RYR1: variants seen among roughly 807,000 people sequenced by gnomAD.
RYR1 encodes the protein ryanodine receptor 1, also known as central core disease of muscle.
A neutral mutation model predicts 583.5 loss-of-function variants in RYR1; 342 were observed. The ratio of observed to expected loss-of-function variants is 0.59; its 90% CI spans 0.54 to 0.64. The LOEUF is 0.64. Ranked by LOEUF, RYR1 falls within the 30% of genes least tolerant of loss-of-function variation. RYR1 has a pLI of 0.00. For missense variants in RYR1, 6,032 were observed against 6,917.2 expected (o/e 0.87, Z 4.54); for synonymous variants, 2,791 against 2,822.5 (o/e 0.99, Z 0.35).
At chr19:38,489,121 G>A in intron 34 of RYR1, 56 bp from the exon 35 acceptor site, 1 of 1,501,244 alleles carries the variant, frequency 6.7e-7, no homozygotes, top group Non-Finnish European at 9.3e-7. Context: ...TGAGGCCAGG[G>A]CCTGATGATG....
At position 38,564,772 on chromosome 19, in the gene RYR1, T is replaced by C. The variant is rs146260773; in HGVS notation, c.12625-187T>C. 8.8e-3 allele frequency among the ~76,000 whole-genome samples: 1,346 copies of C among 152,260 alleles called. 18 individuals are homozygous for C. The highest frequency in any genetic ancestry group is 0.031 in the African/African-American group (1,269 of 41,558). On this transcript the variant is annotated intron_variant, in intron 90 of 105. Transcript: ENST00000359596. Reference sequence around the variant, plus strand: ...CCCAAGTGATCTGCCAGCCTCAGTTTCCCAAAGTGCTATGATTACAGGCGG... The same window carrying C: ...CCCAAGTGATCTGCCAGCCTCAGTTCCCCAAAGTGCTATGATTACAGGCGG...
At chr19:38,536,175 A>C in intron 82 of RYR1, 105 bp downstream of exon 82, 1 of 1,013,008 alleles carries the variant, frequency 9.9e-7, no homozygotes, top group South Asian at 1.4e-5. Context: ...CCTCCAAGAC[A>C]CTGGTTCCCA....
Position 38,501,001 on chromosome 19 carries a change from C to T in RYR1, c.7614+11C>T. 1 of 1,611,622 alleles carries T rather than the reference C, an allele frequency of 6.2e-7. No individual in the cohort carries two copies. The highest frequency in any genetic ancestry group is 1.1e-5 in the South Asian group (1 of 90,646). The stretch of plus-strand genomic sequence containing the variant: ...GCCTCGCTGGACACGGTGAGCAACC[C>T]TGCCCAGCCTGGCCACCCTCCCCAC... On this transcript the variant is annotated intron_variant, in intron 47 of 105. Transcript: ENST00000359596.
rs1970753067 is a variant in RYR1 at position 38,512,083 on chromosome 19, C to T, written c.9184C>T (p.Pro3062Ser). ...TCTTCCTCTCCCAGGGACAGACGCC[C>T]CAGCTGTGGTCAACTGTCTTCACAT... ...HRVSLFGTDA[P>S]AVVNCLHILA... Residue 3062 changes from proline to serine, a missense_variant, in exon 62 of 106, where the codon CCA (proline) becomes TCA (serine). Around this residue, in one of 11 missense-constraint regions of RYR1, gnomAD observed 1,493 missense variants for 1,715.5 expected, o/e 0.87. Transcript: ENST00000359596. The surrounding 1 kb of genome is among the most constrained non-coding windows in gnomAD (Gnocchi z 5.1). 6.2e-7 allele frequency: 1 copy of T among 1,614,116 alleles called. No individual in the cohort carries two copies. Among genetic ancestry groups the T allele is most frequent in the Non-Finnish European group, 8.5e-7 (1 of 1,180,006 alleles).
At chr19:38,447,162 C>T (rs1225940845) in intron 9 of RYR1, among the ~76,000 whole-genome samples, 4 of 152,098 alleles carry the variant, frequency 2.6e-5, no homozygotes, top group African/African-American at 9.7e-5. Context: ...CGGGTCAAGG[C>T]TGCAGTGAGC....
In RYR1 at chr19:38,473,611, C is replaced by T. The variant is rs1167814955; in HGVS notation, c.4000C>T (p.Leu1334=). The T allele has an allele frequency of 1.9e-6, 3 of 1,570,884 alleles. No individual in the cohort carries two copies. Among genetic ancestry groups the T allele is most frequent in the African/African-American group, 2.7e-5 (2 of 73,992 alleles). ...GGAACCCGACCCTGACTACGAAAAC[C>T]TGCGCCGCTCAGCTGGGGGCTGGAG... ...AAEPDPDYEN[L]RRSAGGWSEA... Residue 1334 remains leucine, a synonymous_variant, in exon 28 of 106, where the codon CTG becomes TTG. Coordinates refer to ENST00000359596, the MANE Select transcript of RYR1 (RefSeq NM_000540.3).
At chr19:38,562,064 A>G (rs535886866) in intron 90 of RYR1, among the ~76,000 whole-genome samples, 1 of 152,172 alleles carries the variant, frequency 6.6e-6, no homozygotes, top group African/African-American at 2.4e-5. Flanking sequence ...CCTCTTGCAC[A>G]CACACCCTGA....
chr19:38,466,266 C>G lies in RYR1; in HGVS notation c.3046C>G (p.Arg1016Gly), dbSNP rs759085500. 6.2e-7 allele frequency: 1 copy of G among 1,612,976 alleles called. No homozygotes were observed. Among genetic ancestry groups the G allele is most frequent in the Non-Finnish European group, 8.5e-7 (1 of 1,179,912 alleles). ...CGCAGTGCAGGACATCCCAGCGCGC[C>G]GAAACCCTCGGCTGGTGCCCTACCG... ...YSAVQDIPARRNPRLVPYRLL... is the reference protein window; with the variant it reads ...YSAVQDIPARGNPRLVPYRLL... The change falls in exon 24 of 106, where the codon CGA (arginine) becomes GGA (glycine). Residue 1016 changes from arginine (R) to glycine (G), a missense_variant. Arg to Gly is a moderately radical substitution (Grantham distance 125). This residue lies in a region of RYR1 where 2,627 missense variants were observed against 2,961.3 expected (regional missense o/e 0.89). Coordinates refer to ENST00000359596, the MANE Select transcript of RYR1 (RefSeq NM_000540.3).
rs965944823 is a variant in RYR1 at position 38,471,834 on chromosome 19, A to T, written c.3766-1543A>T. Among the ~76,000 whole-genome samples the T allele has an allele frequency of 5.3e-5, 8 of 151,360 alleles. No individual in the cohort carries two copies. The East Asian group carries it at 1.6e-3, about 30-fold the overall frequency. On this transcript the variant is annotated intron_variant, in intron 27 of 105. Transcript: ENST00000359596. ...GGAGAATTGCTTGAACCCAGGAGGC[A>T]AAAGTTGCAGTCAGCCAAGATTGCA...
Position 38,565,923 on chromosome 19 carries a change from C to A in RYR1, c.13437+152C>A, listed in dbSNP as rs1973400133. ...GGAGGACGCACCCATGGAGGACGCA[C>A]ACGGGGACAGCGGGCGCCGGGCAAG... On this transcript the variant is annotated intron_variant, in intron 91 of 105. Transcript: ENST00000359596. The surrounding 1 kb of genome is among the most constrained non-coding windows in gnomAD (Gnocchi z 4.7). 2 of 930,446 alleles carry A rather than the reference C, an allele frequency of 2.1e-6. No homozygotes were observed. The highest frequency in any genetic ancestry group is 1.7e-5 in the African/African-American group (1 of 57,342). The allele number at this position is 930,446 out of a possible 1,614,324, so 57.6% of individuals were successfully genotyped here.
In RYR1 at chr19:38,565,555, T is replaced by TGCCAGCGAGGGC. The variant is rs1599635941; in HGVS notation, c.13224_13235dup (p.Ser4409_Ala4412dup). 2.0e-6 allele frequency: 3 copies of TGCCAGCGAGGGC among 1,481,910 alleles called. No individual in the cohort carries two copies. Among genetic ancestry groups the TGCCAGCGAGGGC allele is most frequent in the Admixed American group, 2.2e-5 (1 of 44,948 alleles). The allele number at this position is 1,481,910 out of a possible 1,614,324, so 91.8% of individuals were successfully genotyped here. A position where few individuals can be genotyped will look rare whatever the true frequency, so the allele number is the denominator to read the frequency against. ...CGGGCGGAGACGCAGACGGCGAGGG[T>TGCCAGCGAGGGC]GCCAGCGAGGGCGCTGGAGACGCCG... On this transcript the variant is annotated inframe_insertion, in exon 91 of 106. Coordinates refer to ENST00000359596, the MANE Select transcript of RYR1 (RefSeq NM_000540.3). The surrounding 1 kb of genome is among the most constrained non-coding windows in gnomAD (Gnocchi z 4.7).
In RYR1 at chr19:38,536,012, T is replaced by C. The variant is rs545643266; in HGVS notation, c.11532T>C (p.Asn3844=). 2 of 1,613,902 alleles carry C rather than the reference T, an allele frequency of 1.2e-6. No homozygotes were observed. Among genetic ancestry groups the C allele is most frequent in the African/African-American group, 1.3e-5 (1 of 75,012 alleles). ...TTTTCCTCAGCGTCCTGGATCTCAA[T>C]GCCTTTGAGAGACAGAACAAGGCCG... ...LMQTCSVLDL[N]AFERQNKAEG... The change falls in exon 82 of 106, where the codon AAT becomes AAC. Residue 3844 remains asparagine (N), a synonymous_variant. Coordinates refer to ENST00000359596, the MANE Select transcript of RYR1 (RefSeq NM_000540.3).
intron 31 of RYR1, among the ~76,000 whole-genome samples, chr19:38,479,956 G>T (rs533879805): frequency 6.6e-6 from 1 of 152,058 alleles, no homozygotes; most frequent in Admixed American, 6.6e-5. Context: ...CTGGTCTCAA[G>T]CAATCCTTCT....
intron 21 of RYR1, 72 bp downstream of exon 21, chr19:38,463,599 C>A (rs954488040): frequency 9.2e-6 from 14 of 1,525,084 alleles, no homozygotes; most frequent in Non-Finnish European, 1.2e-5. Context: ...GGCTCACCGG[C>A]GGAGAGGAGG....
chr19:38,496,359 CAGGGGAGGCA>C lies in RYR1; in HGVS notation c.6663+31_6663+40del, dbSNP rs764574523. The C allele has an allele frequency of 1.2e-6, 2 of 1,613,722 alleles. No homozygotes were observed. The highest frequency in any genetic ancestry group is 1.7e-6 in the Non-Finnish European group (2 of 1,180,012). Reference sequence around the variant, plus strand: ...GGGCCCAGGCAGGTGCTGGGGAGCTCAGGGGAGGCAGCCACAGAGGGCAGGCCCTGACCAC... The same window carrying C: ...GGGCCCAGGCAGGTGCTGGGGAGCTCGCCACAGAGGGCAGGCCCTGACCAC... On this transcript the variant is annotated intron_variant, in intron 40 of 105. Coordinates refer to ENST00000359596, the MANE Select transcript of RYR1 (RefSeq NM_000540.3). This position sits in a 1 kb window ranked among gnomAD's most constrained non-coding sequence, Gnocchi z 4.8.
At position 38,452,960 on chromosome 19, in the gene RYR1, G is replaced by A; in HGVS notation, c.1386G>A (p.Glu462=). The part of the protein sequence containing the change: ...EPPSEDLQHE[E]KQSKLRSLRN... ...CCTCCGAGGACTTGCAGCACGAGGA[G>A]AAGCAGAGCAAGCTGCGAAGCCTGC... is the stretch of plus-strand genomic sequence containing the variant. Residue 462 remains glutamate, a synonymous_variant, in exon 13 of 106, where the codon GAG becomes GAA. Coordinates refer to ENST00000359596, the MANE Select transcript of RYR1 (RefSeq NM_000540.3). 3.0e-5 allele frequency: 49 copies of A among 1,614,010 alleles called. No individual in the cohort carries two copies. Among genetic ancestry groups the A allele is most frequent in the Non-Finnish European group, 4.1e-5 (48 of 1,179,888 alleles).
rs1310678016 is a variant in RYR1 at position 38,496,622 on chromosome 19, C to T, written c.6796+81C>T. ...CCAGGCCTGCCCCACTTTCCACCAGCTCACTCATTCAACAAACACTCCCTC... is the reference window on the plus strand; with the variant it reads ...CCAGGCCTGCCCCACTTTCCACCAGTTCACTCATTCAACAAACACTCCCTC... On this transcript the variant is annotated intron_variant, in intron 41 of 105. Transcript: ENST00000359596. The surrounding 1 kb of genome is among the most constrained non-coding windows in gnomAD (Gnocchi z 4.8). 2 of 1,544,970 alleles carry T rather than the reference C, an allele frequency of 1.3e-6. No individual in the cohort carries two copies. Among genetic ancestry groups the T allele is most frequent in the African/African-American group, 1.4e-5 (1 of 73,638 alleles).
chr19:38,524,258 G>A (rs1971368632), intron 70 of RYR1, among the ~76,000 whole-genome samples: 1 of 151,444 alleles, frequency 6.6e-6, no homozygotes, highest in Non-Finnish European at 1.5e-5. Flanking sequence ...GAGGTCAAGG[G>A]TAATGGGGGT....
chr19:38,554,070 G>C (rs1487614332), intron 89 of RYR1, among the ~76,000 whole-genome samples: 2 of 152,158 alleles, frequency 1.3e-5, no homozygotes, highest in African/African-American at 2.4e-5. Context: ...GCACAAGGAT[G>C]TCATTTATAC....
Sources: allele counts gnomAD v4.1 joint callset (sites outside exome capture counted in the v4.1 genomes callset), GRCh38; gene constraint gnomAD v4.1.1; regional missense constraint gnomAD v4.1.1; non-coding constraint Gnocchi (gnomAD v3.1); transcripts MANE v1.5; gene names NCBI Gene and HGNC (gene_info 2026-07-23, HGNC 2026-07-21).